CDKL2: variants seen among roughly 807,000 people sequenced by gnomAD.
CDKL2 encodes the protein cyclin dependent kinase like 2.
A neutral mutation model predicts 63.9 loss-of-function variants in CDKL2; 64 were observed. The ratio of observed to expected loss-of-function variants is 1.00; its 90% confidence interval spans 0.82 to 1.23. The LOEUF is 1.23. Ranked by LOEUF, CDKL2 falls within the 50% of genes most tolerant of loss-of-function variation. The probability of loss-of-function intolerance (pLI) is 0.00; values close to 1 mark genes in which losing one functional copy is unlikely to be tolerated. For missense variants in CDKL2, 656 were observed against 668.0 expected (o/e 0.98, Z 0.20); for synonymous variants, 211 against 229.2 (o/e 0.92, Z 0.72).
intron 1 of CDKL2, among the ~76,000 whole-genome samples, chr4:75,626,512 G>GA (rs1730420810): frequency 6.6e-6 from 1 of 151,970 alleles, no homozygotes; most frequent in Admixed American, 6.6e-5. Context: ...TAAAAATACA[G>GA]AAAAATTAGC....
At chr4:75,603,094 G>A (rs1211897039) in intron 6 of CDKL2, among the ~76,000 whole-genome samples, 3 of 148,760 alleles carry the variant, frequency 2.0e-5, no homozygotes, top group Admixed American at 1.3e-4. Context: ...CCGCTTCCCG[G>A]GTTCACGCCA....
intron 3 of CDKL2, among the ~76,000 whole-genome samples, chr4:75,611,296 T>C (rs1729680024): frequency 6.6e-6 from 1 of 151,830 alleles, no homozygotes; most frequent in South Asian, 2.1e-4. Context: ...CCATCTCTAC[T>C]AAAAATACAA....
chr4:75,609,926 G>A (rs1729609237), intron 3 of CDKL2, among the ~76,000 whole-genome samples: 1 of 150,844 alleles, frequency 6.6e-6, no homozygotes. Context: ...AACTGGGGCC[G>A]GGTGCGGTGG....
intron 3 of CDKL2, 111 bp from the exon 4 acceptor site, chr4:75,607,472 T>C (rs1358678812): frequency 1.2e-5 from 10 of 801,212 alleles, no homozygotes; most frequent in Non-Finnish European, 1.5e-5. Context: ...AACAAAAGCA[T>C]AGAAAGTTGC....
Position 75,591,900 on chromosome 4 carries a change from T to C in CDKL2, c.1566A>G (p.Lys522=). The change falls in exon 12 of 14, where the codon AAA becomes AAG. Residue 522 remains lysine, a synonymous_variant. Transcript: ENST00000307465. ...GIARNSRLTK[K]ESKILSESRI... ...GAGATTCTGAAAGAATTTTGCTCTC[T>C]TTCTTTGTTAGCCTGGAATTTCGAG... is the stretch of plus-strand genomic sequence containing the variant. 6.5e-7 allele frequency: 1 copy of C among 1,535,956 alleles called. No individual in the cohort carries two copies. The highest frequency in any genetic ancestry group is 8.7e-7 in the Non-Finnish European group (1 of 1,146,794).
intron 9 of CDKL2, among the ~76,000 whole-genome samples, chr4:75,596,688 T>C (rs1409457527): frequency 6.6e-6 from 1 of 152,232 alleles, no homozygotes; most frequent in Non-Finnish European, 1.5e-5. Context: ...TATTAGACTA[T>C]ATAGCTGTAG....
chr4:75,584,084 G>C (rs1294609746), intron 12 of CDKL2, among the ~76,000 whole-genome samples: 1 of 152,156 alleles, frequency 6.6e-6, no homozygotes, highest in African/African-American at 2.4e-5. Flanking sequence ...TTTGTGCATG[G>C]AATAAATGTT....
intron 3 of CDKL2, among the ~76,000 whole-genome samples, chr4:75,610,876 A>G (rs1729658410): frequency 6.6e-6 from 1 of 152,136 alleles, no homozygotes; most frequent in African/African-American, 2.4e-5. Flanking sequence ...TCCAGCCACT[A>G]CCGTTATTAT....
intron 4 of CDKL2, among the ~76,000 whole-genome samples, chr4:75,606,698 T>A (rs1360930758): frequency 2.0e-5 from 3 of 152,194 alleles, no homozygotes; most frequent in African/African-American, 4.8e-5. Flanking sequence ...TAATAAATAA[T>A]GTTTAGTGTG....
At chr4:75,606,926 A>T (rs1287143180) in intron 4 of CDKL2, among the ~76,000 whole-genome samples, 1 of 152,194 alleles carries the variant, frequency 6.6e-6, no homozygotes, top group Non-Finnish European at 1.5e-5. Flanking sequence ...TCTCTTTACA[A>T]GTGATAAATA....
Position 75,597,070 on chromosome 4 carries a change from T to G in CDKL2, c.1187A>C (p.Asp396Ala). 1 of 1,614,176 alleles carries G rather than the reference T, an allele frequency of 6.2e-7. No homozygotes were observed. The highest frequency in any genetic ancestry group is 8.5e-7 in the Non-Finnish European group (1 of 1,180,032). Residue 396 changes from aspartate (D) to alanine (A), a missense_variant, in exon 9 of 14, where the codon GAC becomes GCC. Physicochemically the swap from Asp to Ala is moderately radical, Grantham distance 126 (BLOSUM62 -2). Transcript: ENST00000307465. ...GTGGTCCACGCTGACATTGCTGCAG[T>G]CTTTGAGGCTTGTTGAAGGCACTAT... ...NKIVPSTSLK[D>A]CSNVSVDHTR... is the part of the protein sequence containing the mutation.
Position 75,589,299 on chromosome 4 carries a change from CTTTTTTTT to C in CDKL2, c.1647+2512_1647+2519del, listed in dbSNP as rs34052339. Among the ~76,000 whole-genome samples, 758 of 88,472 alleles carry C rather than the reference CTTTTTTTT, an allele frequency of 8.6e-3. 2 individuals carry two copies. Among genetic ancestry groups the C allele is most frequent in the Non-Finnish European group, 0.013 (611 of 47,282 alleles). 58.0% of individuals were successfully genotyped at this position (88,472 alleles called of 152,430 possible). A position where few individuals can be genotyped will look rare whatever the true frequency, so the allele number is the denominator to read the frequency against. ...TCATTTTGGAAAAATTTGATAGTTTCTTTTTTTTTTTTTTTTTTTTTTTGAGACGGAGT... is the reference window on the plus strand; with the variant it reads ...TCATTTTGGAAAAATTTGATAGTTTCTTTTTTTTTTTTTTTGAGACGGAGT... On this transcript the variant is annotated intron_variant, in intron 12 of 13. Coordinates refer to ENST00000307465, the MANE Select transcript of CDKL2 (RefSeq NM_001330724.2).
intron 6 of CDKL2, among the ~76,000 whole-genome samples, chr4:75,602,167 T>G (rs1031189756): frequency 1.5e-5 from 2 of 136,004 alleles, no homozygotes; most frequent in African/African-American, 2.5e-5. Context: ...ATTTTGTTTT[T>G]TTTTTGTTGT....
At chr4:75,585,195 T>A (rs1365782625) in intron 12 of CDKL2, among the ~76,000 whole-genome samples, 1 of 152,092 alleles carries the variant, frequency 6.6e-6, no homozygotes, top group African/African-American at 2.4e-5. Context: ...ACTACAGAGA[T>A]AAAGAGAGGC....
At chr4:75,587,571 A>T (rs1364734494) in intron 12 of CDKL2, among the ~76,000 whole-genome samples, 1 of 152,146 alleles carries the variant, frequency 6.6e-6, no homozygotes, top group East Asian at 1.9e-4. Context: ...CTACCAAAAG[A>T]GACACAAGAA....
In CDKL2 at chr4:75,625,974, T is replaced by G; in HGVS notation, c.15A>C (p.Glu5Asp). MEKY[E>D]NLGLVGEGSY... Reference sequence around the variant, plus strand: ...TCCCTTCTCCAACCAAACCCAGGTTTTCATATTTTTCCATTTTAATTTAAA... The same window carrying G: ...TCCCTTCTCCAACCAAACCCAGGTTGTCATATTTTTCCATTTTAATTTAAA... The change falls in exon 2 of 14, where the codon GAA (glutamate) becomes GAC (aspartate). Residue 5 changes from glutamate (E) to aspartate (D), a missense_variant. By Grantham distance (45) the Glu-to-Asp change is conservative (BLOSUM62 2). Coordinates refer to ENST00000307465, the MANE Select transcript of CDKL2 (RefSeq NM_001330724.2). The G allele has an allele frequency of 6.2e-7, 1 of 1,606,172 alleles. No homozygotes were observed. Among genetic ancestry groups the G allele is most frequent in the Non-Finnish European group, 8.5e-7 (1 of 1,178,276 alleles).
chr4:75,600,536 G>T (rs1277656195), intron 6 of CDKL2, among the ~76,000 whole-genome samples, 167 bp from the exon 7 acceptor site: 1 of 151,686 alleles, frequency 6.6e-6, no homozygotes, highest in African/African-American at 2.4e-5. Context: ...CTACTTAACC[G>T]CAGCCTTGAC....
chr4:75,621,986 T>A (rs899444274), intron 2 of CDKL2, among the ~76,000 whole-genome samples: 3 of 152,080 alleles, frequency 2.0e-5, no homozygotes, highest in African/African-American at 7.2e-5. Flanking sequence ...AACACATATA[T>A]CTGATGGGTG....
At position 75,596,895 on chromosome 4, in the gene CDKL2, T is replaced by G. The variant is rs772864371; in HGVS notation, c.1322+40A>C. On this transcript the variant is annotated intron_variant, in intron 9 of 13. Coordinates refer to ENST00000307465, the MANE Select transcript of CDKL2 (RefSeq NM_001330724.2). ...CAAACCCTTGCAATTTGCAAATATG[T>G]CCTTAAACACTTTTTTGATCTTATT... 3.3e-6 allele frequency: 5 copies of G among 1,533,490 alleles called. No individual in the cohort carries two copies. In the East Asian group the frequency reaches 1.1e-4, roughly 35 times the overall value. 95.0% of individuals were successfully genotyped at this position (1,533,490 alleles called of 1,614,324 possible). A position where few individuals can be genotyped will look rare whatever the true frequency, so the allele number is the denominator to read the frequency against.
Sources: allele counts gnomAD v4.1 joint callset (sites outside exome capture counted in the v4.1 genomes callset), GRCh38; gene constraint gnomAD v4.1.1; transcripts MANE v1.5; gene names NCBI Gene and HGNC (gene_info 2026-07-23, HGNC 2026-07-21).